Variants in UNC5B observed in about 807,000 individuals in gnomAD.
UNC5B encodes the protein unc-5 netrin receptor B, also known as netrin receptor UNC5B.
A neutral mutation model predicts 103.7 loss-of-function variants in UNC5B; 56 were observed. The observed-to-expected ratio is 0.54, with a 90% CI of 0.44 to 0.67. The LOEUF is 0.67. UNC5B is among the 30% of genes least tolerant of loss of function. The pLI is 0.00. For missense variants in UNC5B, 1,194 were observed against 1,284.5 expected, an observed-to-expected ratio of 0.93 and a Z score of 1.08; for synonymous variants, 577 against 542.0, an observed-to-expected ratio of 1.06 and a Z score of -0.90.
At chr10:71,240,453 G>A (rs1041216621) in intron 1 of UNC5B, among the ~76,000 whole-genome samples, 8 of 152,254 alleles carry the variant, frequency 5.3e-5, no homozygotes, top group African/African-American at 1.4e-4. Flanking sequence ...GGTGATGCCC[G>A]TGGCCTGCCT....
intron 6 of UNC5B, 22 bp downstream of exon 6, chr10:71,287,787 C>T (rs1313738716): frequency 6.2e-7 from 1 of 1,603,496 alleles, no homozygotes; most frequent in Non-Finnish European, 8.5e-7. Flanking sequence ...TGTCCATGTC[C>T]AGCCCCACCC....
intron 2 of UNC5B, among the ~76,000 whole-genome samples, chr10:71,282,480 C>T (rs1430230084): frequency 6.6e-6 from 1 of 152,206 alleles, no homozygotes; most frequent in African/African-American, 2.4e-5. Context: ...TTGTTTCCTT[C>T]TATCCAGCTA....
chr10:71,254,422 G>T (rs1037631463), intron 1 of UNC5B, among the ~76,000 whole-genome samples: 1 of 152,230 alleles, frequency 6.6e-6, no homozygotes, highest in African/African-American at 2.4e-5. Context: ...GGCTGACAAT[G>T]CCAGGAAATG....
chr10:71,254,724 C>A (rs547942043), intron 1 of UNC5B, among the ~76,000 whole-genome samples: 1 of 152,310 alleles, frequency 6.6e-6, no homozygotes, highest in Non-Finnish European at 1.5e-5. Flanking sequence ...GGTGGATGAC[C>A]ACCACCCAGG....
At chr10:71,258,153 G>T (rs1490125240) in intron 1 of UNC5B, among the ~76,000 whole-genome samples, 1 of 152,190 alleles carries the variant, frequency 6.6e-6, no homozygotes, top group East Asian at 1.9e-4. Context: ...AAAATCACCT[G>T]CCTGAAGGCC....
intron 1 of UNC5B, 99 bp from the exon 2 acceptor site, chr10:71,279,722 C>A: frequency 1.5e-6 from 2 of 1,337,894 alleles, no homozygotes; most frequent in Non-Finnish European, 1.0e-6. Context: ...CTCTGCCTCC[C>A]CTGTCCTCTT....
chr10:71,224,924 G>A (rs185132077), intron 1 of UNC5B, among the ~76,000 whole-genome samples: 1 of 152,322 alleles, frequency 6.6e-6, no homozygotes, highest in Non-Finnish European at 1.5e-5. Flanking sequence ...ATACCTTCCA[G>A]CCTTCAAAGC....
intron 2 of UNC5B, among the ~76,000 whole-genome samples, chr10:71,282,758 C>G (rs1437495526): frequency 6.6e-6 from 1 of 152,190 alleles, no homozygotes; most frequent in African/African-American, 2.4e-5. Context: ...ACTCCCTGCA[C>G]AAGGACCCCA....
At chr10:71,275,370 G>A (rs932222141) in intron 1 of UNC5B, among the ~76,000 whole-genome samples, 12 of 152,330 alleles carry the variant, frequency 7.9e-5, no homozygotes, top group African/African-American at 1.4e-4. Context: ...CTGTAGAGAC[G>A]GAGCAGCAGG....
rs1391314529 is a variant in UNC5B at position 71,231,883 on chromosome 10, C to A, written c.79+18819C>A. On this transcript the variant is annotated intron_variant, in intron 1 of 16. Transcript: ENST00000335350. The stretch of plus-strand genomic sequence containing the variant: ...TAATTGGTCTTGGGTTCTGGCCTGG[C>A]CGTCAGGATCTTTAAAAGTCCCCCA... Among the ~76,000 whole-genome samples the A allele has an allele frequency of 2.0e-5, 3 of 152,126 alleles. No individual in the cohort carries two copies. In the East Asian group the frequency reaches 5.8e-4, roughly 29 times the overall value.
At chr10:71,225,550 C>T (rs2132242863) in intron 1 of UNC5B, among the ~76,000 whole-genome samples, 1 of 152,346 alleles carries the variant, frequency 6.6e-6, no homozygotes, top group Non-Finnish European at 1.5e-5. Flanking sequence ...AGTGTCAGTG[C>T]TGGGTTTGAT....
At chr10:71,264,971 T>TAAAA (rs34240729) in intron 1 of UNC5B, among the ~76,000 whole-genome samples, 1 of 120,846 alleles carries the variant, frequency 8.3e-6, no homozygotes. Context: ...CCTGTCTCTA[T>TAAAA]AAAAAAAAAA....
chr10:71,241,881 G>A (rs1378132772), intron 1 of UNC5B, among the ~76,000 whole-genome samples: 1 of 152,174 alleles, frequency 6.6e-6, no homozygotes, highest in Non-Finnish European at 1.5e-5. Context: ...ATAGCAGCCT[G>A]TTAGTTATCT....
intron 1 of UNC5B, among the ~76,000 whole-genome samples, chr10:71,237,212 G>C (rs745736814): frequency 6.6e-6 from 1 of 152,214 alleles, no homozygotes; most frequent in African/African-American, 2.4e-5. Flanking sequence ...CTGTTTGCCT[G>C]GTCACCAAGA....
intron 1 of UNC5B, among the ~76,000 whole-genome samples, chr10:71,278,777 C>G (rs1036688908): frequency 1.3e-5 from 2 of 152,246 alleles, no homozygotes; most frequent in African/African-American, 4.8e-5. Flanking sequence ...CGGCCATGCG[C>G]CACCCCACAG....
chr10:71,248,952 C>T (rs1804378760), intron 1 of UNC5B, among the ~76,000 whole-genome samples: 2 of 152,076 alleles, frequency 1.3e-5, no homozygotes, highest in Admixed American at 6.5e-5. Flanking sequence ...CTCCCACCTG[C>T]ACCCCACTCC....
intron 1 of UNC5B, among the ~76,000 whole-genome samples, chr10:71,231,712 C>T (rs917141528): frequency 1.3e-5 from 2 of 151,880 alleles, no homozygotes; most frequent in African/African-American, 2.4e-5. Context: ...GGACTGTGGG[C>T]CAGGTTTGGG....
In UNC5B at chr10:71,212,934, G is replaced by A; in HGVS notation, c.-52G>A. On this transcript the variant is annotated 5_prime_UTR_variant, in exon 1 of 17. Coordinates refer to ENST00000335350, the MANE Select transcript of UNC5B (RefSeq NM_170744.5). Reference sequence around the variant, plus strand: ...GGCGGAGACGGCGGCGGCGAGACTGGGGCCAGGGAGACAGCCCTGGGGGAG... The same window carrying A: ...GGCGGAGACGGCGGCGGCGAGACTGAGGCCAGGGAGACAGCCCTGGGGGAG... The A allele has an allele frequency of 8.1e-7, 1 of 1,239,890 alleles. No homozygotes were observed. The highest frequency in any genetic ancestry group is 1.5e-5 in the African/African-American group (1 of 65,016). The allele number at this position is 1,239,890 out of a possible 1,614,324, so 76.8% of individuals were successfully genotyped here.
intron 1 of UNC5B, among the ~76,000 whole-genome samples, chr10:71,262,628 A>G (rs752094735): frequency 2.0e-5 from 3 of 152,224 alleles, no homozygotes; most frequent in Non-Finnish European, 2.9e-5. Flanking sequence ...CCAGCCAGAA[A>G]TGATGTTCAA....
Sources: allele counts gnomAD v4.1 joint callset (sites outside exome capture counted in the v4.1 genomes callset), GRCh38; gene constraint gnomAD v4.1.1; transcripts MANE v1.5; gene names NCBI Gene and HGNC (gene_info 2026-07-23, HGNC 2026-07-21).